The following COL5A1 variants were observed in gnomAD, a reference collection of about 807,000 sequenced individuals.
COL5A1 encodes the protein collagen alpha-1(V) chain.
A neutral mutation model predicts 263.7 loss-of-function variants in COL5A1; 16 were observed. The observed-to-expected ratio is 0.06, with a 90% confidence interval of 0.04 to 0.09. COL5A1 has a LOEUF of 0.09. Among genes scored for constraint, COL5A1 ranks in the 10% least tolerant of loss-of-function variants. COL5A1 has a pLI of 1.00. For missense variants in COL5A1, 2,036 were observed against 2,540.5 expected, an observed-to-expected ratio of 0.80 and a Z score of 4.27; for synonymous variants, 1,012 against 1,004.5, an observed-to-expected ratio of 1.01 and a Z score of -0.14.
At chr9:134,735,144 C>T (rs574504343) in intron 9 of COL5A1, among the ~76,000 whole-genome samples, 1 of 151,030 alleles carries the variant, frequency 6.6e-6, no homozygotes, top group African/African-American at 2.4e-5. Flanking sequence ...ACCCAGGAGG[C>T]GGAGGTTGCA....
rs756888773 is a variant in COL5A1, at chr9:134,750,793, C to T, written c.1573C>T (p.Arg525Trp). The T allele has an allele frequency of 1.3e-5, 21 of 1,613,300 alleles. No homozygotes were observed. Among genetic ancestry groups the T allele is most frequent in the Non-Finnish European group, 1.6e-5 (19 of 1,180,010 alleles). Residue 525 changes from arginine (R) to tryptophan (W), a missense_variant, in exon 13 of 66, where the codon CGG becomes TGG. Arg to Trp is a moderately radical substitution (Grantham distance 101, BLOSUM62 -3). Transcript: ENST00000371817. ...PPGTMLMLPF[R>W]FGGGGDAGSK... ...GACCCTTGTCTTACACTTGCAGTTC[C>T]GGTTTGGAGGTGGCGGCGATGCGGG...
At chr9:134,693,853 G>C (rs1165118606) in intron 2 of COL5A1, among the ~76,000 whole-genome samples, 1 of 152,174 alleles carries the variant, frequency 6.6e-6, no homozygotes, top group African/African-American at 2.4e-5. Context: ...GGAAAGGGCT[G>C]TTTGCTTGGG....
At chr9:134,828,436 CCACA>C (rs59261059) in intron 63 of COL5A1, among the ~76,000 whole-genome samples, 1,625 of 150,728 alleles carry the variant, frequency 0.011, 30 homozygotes, top group African/African-American at 0.037. Flanking sequence ...GAAGGTTCTA[CCACA>C]CACACACACA....
chr9:134,789,065 A>G lies in COL5A1; in HGVS notation c.2647-90A>G. On this transcript the variant is annotated intron_variant, in intron 31 of 65. Coordinates refer to ENST00000371817, the MANE Select transcript of COL5A1 (RefSeq NM_000093.5). The surrounding 1 kb of genome is among the most constrained non-coding windows in gnomAD (Gnocchi z 4.8). Reference sequence around the variant, plus strand: ...GTGGAGTCTGGGGCAGAGGCTGTGCACTGGCATGCAGGTGGTCCCCCAGGC... The same window carrying G: ...GTGGAGTCTGGGGCAGAGGCTGTGCGCTGGCATGCAGGTGGTCCCCCAGGC... The G allele has an allele frequency of 8.8e-7, 1 of 1,130,584 alleles. No homozygotes were observed. Among genetic ancestry groups the G allele is most frequent in the Non-Finnish European group, 1.3e-6 (1 of 753,058 alleles). 70.0% of individuals were successfully genotyped at this position (1,130,584 alleles called of 1,614,324 possible). A position where few individuals can be genotyped will look rare whatever the true frequency, so the allele number is the denominator to read the frequency against.
intron 9 of COL5A1, among the ~76,000 whole-genome samples, 196 bp from the exon 10 acceptor site, chr9:134,738,278 C>T (rs1419765104): frequency 7.2e-5 from 11 of 152,208 alleles, no homozygotes; most frequent in Admixed American, 6.5e-4. Context: ...GCTCTTCTGC[C>T]AGCGAGTGCC....
At chr9:134,840,612 T>G (rs7846761) in intron 65 of COL5A1, among the ~76,000 whole-genome samples, 101,441 of 152,114 alleles carry the variant, frequency 0.67, 34,176 homozygotes, top group Middle Eastern at 0.77. Flanking sequence ...GGGTCTGTCT[T>G]AGGTCCATTC....
chr9:134,749,811 A>G (rs1268649390), intron 11 of COL5A1, among the ~76,000 whole-genome samples: 1 of 152,234 alleles, frequency 6.6e-6, no homozygotes, highest in Admixed American at 6.5e-5. Context: ...CTTTTGTGAA[A>G]TAGCTTTGTG....
chr9:134,760,099 C>CA (rs1836269297), intron 18 of COL5A1, among the ~76,000 whole-genome samples: 1 of 134,846 alleles, frequency 7.4e-6, no homozygotes, highest in East Asian at 2.3e-4. Flanking sequence ...CGCCCACACA[C>CA]CCCCACACTC....
chr9:134,835,049 C>A lies in COL5A1; in HGVS notation c.5215C>A (p.His1739Asn). Residue 1739 changes from histidine (H) to asparagine (N), a missense_variant, in exon 65 of 66, where the codon CAC (histidine) becomes AAC (asparagine). Physicochemically the swap from His to Asn is moderately conservative, Grantham distance 68. This residue lies in a region of COL5A1 where 358 missense variants were observed against 384.6 expected (regional missense o/e 0.93). Coordinates refer to ENST00000371817, the MANE Select transcript of COL5A1 (RefSeq NM_000093.5). ...TFLRLLSASA[H>N]QNVTYHCYQS... ...CCTGCGGCTGCTGAGCGCCTCTGCC[C>A]ACCAGAACGTCACCTACCACTGCTA... The A allele has an allele frequency of 6.2e-7, 1 of 1,613,538 alleles. No homozygotes were observed. The highest frequency in any genetic ancestry group is 8.5e-7 in the Non-Finnish European group (1 of 1,180,020).
chr9:134,805,143 C>T lies in COL5A1; in HGVS notation c.3205-18C>T, dbSNP rs199557977. Reference sequence around the variant, plus strand: ...CTCTCCCCACGTGCCCTTGACCAACCTTTTCATGGCTTTGCAGGGAGCTCT... The same window carrying T: ...CTCTCCCCACGTGCCCTTGACCAACTTTTTCATGGCTTTGCAGGGAGCTCT... On this transcript the variant is annotated intron_variant, in intron 40 of 65. Transcript: ENST00000371817. The T allele has an allele frequency of 6.2e-7, 1 of 1,614,032 alleles. No individual in the cohort carries two copies. Among genetic ancestry groups the T allele is most frequent in the Admixed American group, 1.7e-5 (1 of 60,028 alleles).
intron 4 of COL5A1, among the ~76,000 whole-genome samples, chr9:134,723,180 G>A (rs1452624967): frequency 1.3e-5 from 2 of 152,188 alleles, no homozygotes; most frequent in Non-Finnish European, 2.9e-5. Context: ...TGCAAGCTCA[G>A]CTCCCGACGA....
chr9:134,819,493 A>T lies in COL5A1; in HGVS notation c.4446+440A>T, dbSNP rs115076279. 5.8e-3 allele frequency among the ~76,000 whole-genome samples: 888 copies of T among 152,304 alleles called. 7 individuals carry two copies. The highest frequency in any genetic ancestry group is 0.02 in the African/African-American group (819 of 41,562). The stretch of plus-strand genomic sequence containing the variant: ...CTTGCATTGATTTATTTACAAACAT[A>T]AAAGGTACTCAGGAGTGAGATGGTT... On this transcript the variant is annotated intron_variant, in intron 57 of 65. Coordinates refer to ENST00000371817, the MANE Select transcript of COL5A1 (RefSeq NM_000093.5).
intron 1 of COL5A1, among the ~76,000 whole-genome samples, chr9:134,663,005 A>G (rs1832255171): frequency 6.6e-6 from 1 of 152,102 alleles, no homozygotes; most frequent in African/African-American, 2.4e-5. Context: ...TTTGCATTCA[A>G]CTCGCCACAC....
intron 4 of COL5A1, among the ~76,000 whole-genome samples, chr9:134,707,709 C>T (rs1833886078): frequency 1.3e-5 from 2 of 152,222 alleles, no homozygotes; most frequent in African/African-American, 4.8e-5. Flanking sequence ...GCCTCTGGAT[C>T]CTTCCAGAAC....
intron 28 of COL5A1, 75 bp downstream of exon 28, chr9:134,780,221 A>G: frequency 3.5e-6 from 5 of 1,418,988 alleles, no homozygotes; most frequent in Non-Finnish European, 5.0e-6. Context: ...GCCCTCCCAC[A>G]ATGCTTCTTC....
At chr9:134,775,885 C>T (rs1343049947) in intron 27 of COL5A1, among the ~76,000 whole-genome samples, 8 of 152,170 alleles carry the variant, frequency 5.3e-5, no homozygotes, top group South Asian at 2.1e-4. Context: ...AGTGTGTGGC[C>T]GCCCTGGGGC....
chr9:134,776,422 A>G (rs1405487290), intron 27 of COL5A1, among the ~76,000 whole-genome samples: 1 of 152,254 alleles, frequency 6.6e-6, no homozygotes, highest in East Asian at 1.9e-4. Context: ...CTATCTGATT[A>G]AAATTCATTC....
In COL5A1 at chr9:134,834,408, G is replaced by A. The variant is rs557746187; in HGVS notation, c.5137-563G>A. ...CAGGTGGCAGAAGGGGAGAAGAACT[G>A]TGGGTGGACGTGCAGGGAGAGCAGC... On this transcript the variant is annotated intron_variant, in intron 64 of 65. Transcript: ENST00000371817. Among the ~76,000 whole-genome samples, 8 of 152,358 alleles carry A rather than the reference G, an allele frequency of 5.3e-5. No individual in the cohort carries two copies. In the South Asian group the frequency reaches 1.4e-3, roughly 28 times the overall value.
chr9:134,769,773 T>C (rs1836808980), intron 25 of COL5A1, among the ~76,000 whole-genome samples: 1 of 150,910 alleles, frequency 6.6e-6, no homozygotes, highest in Non-Finnish European at 1.5e-5. Flanking sequence ...TCTTTCCTTC[T>C]GCGGGGAGGA....
Sources: allele counts gnomAD v4.1 joint callset (sites outside exome capture counted in the v4.1 genomes callset), GRCh38; gene constraint gnomAD v4.1.1; regional missense constraint gnomAD v4.1.1; non-coding constraint Gnocchi (gnomAD v3.1); transcripts MANE v1.5; gene names NCBI Gene and HGNC (gene_info 2026-07-23, HGNC 2026-07-21).